GRIK1: variants seen among roughly 807,000 people sequenced by gnomAD.
GRIK1 encodes the protein glutamate receptor ionotropic, kainate 1.
Under a neutral mutation model 105.7 loss-of-function variants are expected in GRIK1, and 69 were observed. The observed-to-expected ratio is 0.65, with a 90% CI of 0.54 to 0.80. The LOEUF (loss-of-function observed/expected upper bound fraction) is 0.80. Among genes scored for constraint, GRIK1 ranks in the 30% least tolerant of loss-of-function variants. The pLI is 0.00. For synonymous variants in GRIK1, 438 were observed against 431.3 expected, an observed-to-expected ratio of 1.02 and a Z score of -0.19; for missense variants, 1,109 against 1,167.3, an observed-to-expected ratio of 0.95 and a Z score of 0.73.
At chr21:29,684,783 T>C (rs1020998169) in intron 3 of GRIK1, among the ~76,000 whole-genome samples, 2 of 152,228 alleles carry the variant, frequency 1.3e-5, no homozygotes, top group Non-Finnish European at 2.9e-5. Context: ...GTGCTGGGAT[T>C]ATAGGCGTGA....
chr21:29,910,501 C>G (rs1349195673), intron 1 of GRIK1, among the ~76,000 whole-genome samples: 1 of 152,072 alleles, frequency 6.6e-6, no homozygotes, highest in East Asian at 1.9e-4. Flanking sequence ...ATATTCTCCT[C>G]TTGTCAAACA....
At chr21:29,726,600 A>G (rs370954900) in intron 1 of GRIK1, among the ~76,000 whole-genome samples, 2 of 152,134 alleles carry the variant, frequency 1.3e-5, no homozygotes, top group East Asian at 1.9e-4. Context: ...TAAGCTCTCT[A>G]TATAGTTTTA....
chr21:29,915,195 C>T (rs984196989), intron 1 of GRIK1, among the ~76,000 whole-genome samples: 4 of 151,908 alleles, frequency 2.6e-5, no homozygotes, highest in Non-Finnish European at 5.9e-5. Context: ...CACACACACA[C>T]ACACACACAA....
At chr21:29,588,795 C>G (rs757321333) in intron 11 of GRIK1, 44 bp downstream of exon 11, 1 of 1,028,180 alleles carries the variant, frequency 9.7e-7, no homozygotes, top group Admixed American at 2.0e-5. Flanking sequence ...CTCTTACTTT[C>G]TCTTATGCAT....
intron 1 of GRIK1, among the ~76,000 whole-genome samples, chr21:29,858,950 AT>A (rs201141763): frequency 0.059 from 8,749 of 147,704 alleles, 642 homozygotes; most frequent in African/African-American, 0.17. Context: ...TAAATTCTAC[AT>A]TTTTTTTGTA....
At chr21:29,735,754 G>A (rs111777792) in intron 1 of GRIK1, among the ~76,000 whole-genome samples, 1,540 of 151,340 alleles carry the variant, frequency 0.01, 26 homozygotes, top group African/African-American at 0.035. Context: ...AAAATTAGCC[G>A]GGCATGGTAG....
intron 1 of GRIK1, among the ~76,000 whole-genome samples, chr21:29,806,924 T>A (rs552803285): frequency 2.7e-4 from 41 of 152,342 alleles, no homozygotes; most frequent in Middle Eastern, 6.8e-3. Flanking sequence ...TTGTTGGACA[T>A]GACCAATGAA....
At chr21:29,905,253 C>T (rs974026103) in intron 1 of GRIK1, among the ~76,000 whole-genome samples, 2 of 152,084 alleles carry the variant, frequency 1.3e-5, no homozygotes, top group African/African-American at 4.8e-5. Flanking sequence ...CTGTTACCCA[C>T]ACAGAGCACT....
At chr21:29,695,667 G>A (rs902071557) in intron 1 of GRIK1, among the ~76,000 whole-genome samples, 2 of 152,168 alleles carry the variant, frequency 1.3e-5, no homozygotes, top group East Asian at 3.9e-4. Context: ...TAGATATGGA[G>A]ATTCACCATA....
In GRIK1 at chr21:29,560,535, T is replaced by C. The variant is rs1171354319; in HGVS notation, c.2356+1089A>G. On this transcript the variant is annotated intron_variant, in intron 15 of 17. Coordinates refer to ENST00000327783, the MANE Select transcript of GRIK1 (RefSeq NM_001330994.2). The stretch of plus-strand genomic sequence containing the variant: ...TCCTTCCTTCCTTTCTTTCTTTCTT[T>C]CTTTCTTTCTTTCTTTCTTTCTTTC... Among the ~76,000 whole-genome samples, 22 of 98,400 alleles carry C rather than the reference T, an allele frequency of 2.2e-4. 1 individual carries two copies. The highest frequency in any genetic ancestry group is 8.2e-4 in the African/African-American group (18 of 22,070). The allele number at this position is 98,400 out of a possible 152,430, so 64.6% of individuals were successfully genotyped here. A position where few individuals can be genotyped will look rare whatever the true frequency, so the allele number is the denominator to read the frequency against.
rs2146391593 is a variant in GRIK1 at position 29,614,973 on chromosome 21, T to C, written c.1099-16036A>G. Among the ~76,000 whole-genome samples the C allele has an allele frequency of 1.3e-5, 2 of 151,702 alleles. 1 individual carries two copies. Among genetic ancestry groups the C allele is most frequent in the African/African-American group, 4.9e-5 (2 of 40,994 alleles). ...CACAAAGGCAGGGATGGGTATCTCT[T>C]GTGTACACTAATATATCCCAACAAA... On this transcript the variant is annotated intron_variant, in intron 7 of 17. Coordinates refer to ENST00000327783, the MANE Select transcript of GRIK1 (RefSeq NM_001330994.2).
chr21:29,624,488 A>G (rs2062077476), intron 7 of GRIK1, among the ~76,000 whole-genome samples: 1 of 152,198 alleles, frequency 6.6e-6, no homozygotes. Flanking sequence ...GCTGTATTTA[A>G]TATGGAATCA....
chr21:29,699,792 G>A (rs2063778209), intron 1 of GRIK1, among the ~76,000 whole-genome samples: 2 of 151,962 alleles, frequency 1.3e-5, no homozygotes, highest in Non-Finnish European at 2.9e-5. Flanking sequence ...GGGATTACAG[G>A]CAAGCACCAC....
intron 1 of GRIK1, among the ~76,000 whole-genome samples, chr21:29,931,235 C>T (rs1030524413): frequency 1.3e-5 from 2 of 152,150 alleles, no homozygotes; most frequent in African/African-American, 4.8e-5. Context: ...CAGGATAGCA[C>T]ATTACATTTT....
intron 1 of GRIK1, among the ~76,000 whole-genome samples, chr21:29,893,739 G>C (rs2069997882): frequency 6.6e-6 from 1 of 152,174 alleles, no homozygotes; most frequent in Non-Finnish European, 1.5e-5. Flanking sequence ...CAAGAATTCA[G>C]AGTCTAGGCA....
At chr21:29,573,156 T>C (rs898293781) in intron 14 of GRIK1, among the ~76,000 whole-genome samples, 10 of 152,206 alleles carry the variant, frequency 6.6e-5, no homozygotes, top group African/African-American at 1.9e-4. Context: ...TTATTGATGC[T>C]GTTTGTACTA....
chr21:29,540,381 T>C (rs562406055), intron 16 of GRIK1, among the ~76,000 whole-genome samples: 1 of 152,330 alleles, frequency 6.6e-6, no homozygotes, highest in African/African-American at 2.4e-5. Flanking sequence ...TTTTTGATTC[T>C]CACTTTGTCT....
At chr21:29,886,467 A>T (rs1333231608) in intron 1 of GRIK1, among the ~76,000 whole-genome samples, 2 of 152,156 alleles carry the variant, frequency 1.3e-5, no homozygotes, top group African/African-American at 4.8e-5. Flanking sequence ...TTCTGTCAGG[A>T]AGAAAAGCAT....
intron 1 of GRIK1, among the ~76,000 whole-genome samples, chr21:29,923,634 C>G (rs916191373): frequency 6.6e-6 from 1 of 152,270 alleles, no homozygotes; most frequent in East Asian, 1.9e-4. Flanking sequence ...ACCAAACACG[C>G]CAATGTTTCA....
Sources: allele counts gnomAD v4.1 joint callset (sites outside exome capture counted in the v4.1 genomes callset), GRCh38; gene constraint gnomAD v4.1.1; transcripts MANE v1.5; gene names NCBI Gene and HGNC (gene_info 2026-07-23, HGNC 2026-07-21).